The following PLEKHG4B variants were observed in gnomAD, a reference collection of about 807,000 sequenced individuals.
PLEKHG4B encodes pleckstrin homology and RhoGEF domain containing G4B.
Under a neutral mutation model 121.3 loss-of-function variants are expected in PLEKHG4B, and 111 were observed. The observed-to-expected ratio is 0.92, with a 90% CI of 0.78 to 1.07. The LOEUF is 1.07. Among genes scored for constraint, PLEKHG4B ranks in the 50% least tolerant of loss-of-function variants. The pLI, the probability that PLEKHG4B is intolerant of heterozygous loss-of-function variation, is 0.00. For synonymous variants in PLEKHG4B, 738 were observed against 725.0 expected, an observed-to-expected ratio of 1.02 and a Z score of -0.29; for missense variants, 1,831 against 1,757.8, an observed-to-expected ratio of 1.04 and a Z score of -0.74.
chr5:93,727 G>A (rs936565466), intron 1 of PLEKHG4B, among the ~76,000 whole-genome samples: 4 of 152,156 alleles, frequency 2.6e-5, no homozygotes, highest in African/African-American at 9.7e-5. Flanking sequence ...AATCACCTTT[G>A]TGGGATCTGT....
intron 1 of PLEKHG4B, among the ~76,000 whole-genome samples, chr5:94,755 C>T (rs929620803): frequency 2.6e-5 from 4 of 151,988 alleles, no homozygotes; most frequent in Admixed American, 1.3e-4. Context: ...CTCCAGACCC[C>T]GATCTTTTGT....
intron 13 of PLEKHG4B, 24 bp downstream of exon 13, chr5:163,572 T>C: frequency 6.6e-7 from 1 of 1,524,624 alleles, no homozygotes; most frequent in Non-Finnish European, 8.8e-7. Context: ...CCCCCTCCTC[T>C]CGTCCTAGCA....
chr5:117,943 A>G (rs563422462), intron 2 of PLEKHG4B, among the ~76,000 whole-genome samples: 1 of 152,218 alleles, frequency 6.6e-6, no homozygotes, highest in South Asian at 2.1e-4. Context: ...GCTGGGAATT[A>G]GAATAAAATA....
intron 3 of PLEKHG4B, among the ~76,000 whole-genome samples, chr5:141,440 TGGCTGCAGCCCTCTGACCGTCCTC>T (rs1274272801): frequency 6.6e-6 from 1 of 150,378 alleles, no homozygotes; most frequent in Non-Finnish European, 1.5e-5. Flanking sequence ...TCCCGGGCTG[TGGCTGCAGCCCTCTGACCGTCCTC>T]CGTGGCCTCC....
At chr5:180,434 C>G (rs1736896239) in intron 18 of PLEKHG4B, among the ~76,000 whole-genome samples, 1 of 152,220 alleles carries the variant, frequency 6.6e-6, no homozygotes, top group South Asian at 2.1e-4. Context: ...TTTTCAGAAG[C>G]TCTCAGCCTC....
intron 2 of PLEKHG4B, among the ~76,000 whole-genome samples, chr5:134,119 A>G (rs1485406666): frequency 3.7e-5 from 4 of 108,418 alleles, no homozygotes; most frequent in Admixed American, 9.7e-5. Context: ...ATATATATAT[A>G]TATGTGATGG....
intron 2 of PLEKHG4B, among the ~76,000 whole-genome samples, chr5:134,864 A>G (rs886463136): frequency 6.6e-6 from 1 of 152,092 alleles, no homozygotes; most frequent in Non-Finnish European, 1.5e-5. Context: ...TTGTGTTTCT[A>G]TACACTAACA....
intron 2 of PLEKHG4B, among the ~76,000 whole-genome samples, chr5:127,776 A>G (rs926267140): frequency 1.3e-5 from 2 of 152,188 alleles, no homozygotes; most frequent in African/African-American, 2.4e-5. Flanking sequence ...TCTGAGCCAA[A>G]CATGAGTGAC....
At chr5:123,542 T>G (rs1381211853) in intron 2 of PLEKHG4B, among the ~76,000 whole-genome samples, 1 of 152,216 alleles carries the variant, frequency 6.6e-6, no homozygotes, top group East Asian at 1.9e-4. Flanking sequence ...ACTGATTCAA[T>G]CTACTTAGCA....
chr5:181,988 T>C lies in PLEKHG4B; in HGVS notation c.4565-16T>C. ...GGAGCGGAAGCCAGCCTGACGTGCT[T>C]TCTGTCCCTTTCCAGAGTCACAAAT... On this transcript the variant is annotated splice_polypyrimidine_tract_variant and intron_variant, in intron 19 of 19. Coordinates refer to ENST00000637938, the MANE Select transcript of PLEKHG4B (RefSeq NM_052909.5). 2.5e-6 allele frequency: 4 copies of C among 1,610,284 alleles called. No individual in the cohort carries two copies. Among genetic ancestry groups the C allele is most frequent in the Non-Finnish European group, 3.4e-6 (4 of 1,176,720 alleles).
rs1736019440 is a variant in PLEKHG4B, at chr5:161,933, T to C, written c.2638T>C (p.Leu880=). ...GGCCAGGTGGACCCGCTCGTCCGAGTTGTGCGAGACGGTAAGAGACCCAGT... is the reference window on the plus strand; with the variant it reads ...GGCCAGGTGGACCCGCTCGTCCGAGCTGTGCGAGACGGTAAGAGACCCAGT... The part of the protein sequence containing the change: ...ELARWTRSSE[L]CETVSSWMGP... The change falls in exon 12 of 20, where the codon TTG becomes CTG. Residue 880 remains leucine, a synonymous_variant. Coordinates refer to ENST00000637938, the MANE Select transcript of PLEKHG4B (RefSeq NM_052909.5). The C allele has an allele frequency of 6.2e-7, 1 of 1,611,384 alleles. No homozygotes were observed. Among genetic ancestry groups the C allele is most frequent in the Non-Finnish European group, 8.5e-7 (1 of 1,179,408 alleles).
At chr5:155,061 C>A in intron 8 of PLEKHG4B, 70 bp downstream of exon 8, 1 of 1,354,752 alleles carries the variant, frequency 7.4e-7, no homozygotes, top group Non-Finnish European at 1.0e-6. Flanking sequence ...GTTGTTTTTA[C>A]TAGAATTTGA....
intron 11 of PLEKHG4B, among the ~76,000 whole-genome samples, chr5:160,020 A>G (rs962155431): frequency 2.0e-5 from 3 of 152,200 alleles, no homozygotes; most frequent in Non-Finnish European, 4.4e-5. Context: ...CTCACTCTGC[A>G]GTCTTCACCC....
At chr5:160,202 C>A (rs375704142) in intron 11 of PLEKHG4B, among the ~76,000 whole-genome samples, 1 of 152,250 alleles carries the variant, frequency 6.6e-6, no homozygotes, top group African/African-American at 2.4e-5. Context: ...TGTGGGCATG[C>A]GCTGCAAGCT....
Position 171,316 on chromosome 5 carries a change from A to G in PLEKHG4B, c.3922A>G (p.Lys1308Glu). 6.2e-7 allele frequency: 1 copy of G among 1,612,534 alleles called. No homozygotes were observed. The highest frequency in any genetic ancestry group is 8.5e-7 in the Non-Finnish European group (1 of 1,179,764). Residue 1308 changes from lysine to glutamate, a missense_variant, in exon 16 of 20, where the codon AAG becomes GAG. Transcript: ENST00000637938. ...CGCGCTGCTACTCCAGGACCTGCTCAAGGAGGCCAGCTGTGGCCTGGCCCA... is the reference window on the plus strand; with the variant it reads ...CGCGCTGCTACTCCAGGACCTGCTCGAGGAGGCCAGCTGTGGCCTGGCCCA... Reference protein sequence around the residue: ...KYALLLQDLLKEASCGLAQGQ... With the variant: ...KYALLLQDLLEEASCGLAQGQ...
At chr5:103,114 T>C (rs1434505962) in intron 1 of PLEKHG4B, among the ~76,000 whole-genome samples, 1 of 152,150 alleles carries the variant, frequency 6.6e-6, no homozygotes, top group Admixed American at 6.5e-5. Context: ...TGCAGTGTTG[T>C]CTGTCTTCAA....
chr5:156,176 C>G lies in PLEKHG4B; in HGVS notation c.2314C>G (p.Leu772Val), dbSNP rs761560820. The change falls in exon 10 of 20, where the codon CTG (leucine) becomes GTG (valine). Residue 772 changes from leucine (L) to valine (V), a missense_variant. Transcript: ENST00000637938. The surrounding 1 kb of genome is among the most constrained non-coding windows in gnomAD (Gnocchi z 4.4). ...GGAGGGGGGCACCGTCCTGGCGCGGCTGAGGAGAGAAGAGCTTGGCACAGA... is the reference window on the plus strand; with the variant it reads ...GGAGGGGGGCACCGTCCTGGCGCGGGTGAGGAGAGAAGAGCTTGGCACAGA... ...RLEGGTVLAR[L>V]RREELGTEDS... The G allele has an allele frequency of 3.8e-6, 6 of 1,575,842 alleles. No homozygotes were observed. In the Admixed American group the frequency reaches 8.9e-5, roughly 23 times the overall value.
rs752425552 is a variant in PLEKHG4B, at chr5:163,068, G to A, written c.2996G>A (p.Gly999Glu). ...CCCTCATTCCCCAGCACGGACAGTG[G>A]GGGTGGTGCCTGGGAACCTGCGCAA... ...KPPSFPSTDSGGGAWEPAQPL... is the reference protein window; with the variant it reads ...KPPSFPSTDSEGGAWEPAQPL... Residue 999 changes from glycine (G) to glutamate (E), a missense_variant, in exon 13 of 20, where the codon GGG (glycine) becomes GAG (glutamate). Gly to Glu is a moderately conservative substitution (Grantham distance 98). Coordinates refer to ENST00000637938, the MANE Select transcript of PLEKHG4B (RefSeq NM_052909.5). The A allele has an allele frequency of 1.9e-5, 30 of 1,561,482 alleles. No homozygotes were observed. The highest frequency in any genetic ancestry group is 7.0e-5 in the South Asian group (6 of 85,366).
rs1293340086 is a variant in PLEKHG4B, at chr5:163,221, C to A, written c.3149C>A (p.Thr1050Lys). Residue 1050 changes from threonine (T) to lysine (K), a missense_variant, in exon 13 of 20, where the codon ACG becomes AAG. Physicochemically the swap from Thr to Lys is moderately conservative, Grantham distance 78. Transcript: ENST00000637938. ...LRGLPGAGAT[T>K]AHLEDSSACS... Reference sequence around the variant, plus strand: ...GGCCTTCCAGGGGCAGGGGCCACCACGGCCCACCTGGAGGACAGCTCTGCC... The same window carrying A: ...GGCCTTCCAGGGGCAGGGGCCACCAAGGCCCACCTGGAGGACAGCTCTGCC... The A allele has an allele frequency of 3.1e-6, 5 of 1,600,956 alleles. No individual in the cohort carries two copies. The highest frequency in any genetic ancestry group is 3.4e-6 in the Non-Finnish European group (4 of 1,173,978).
Sources: gnomAD v4.1 joint callset for allele counts (sites outside exome capture counted in the v4.1 genomes callset) on GRCh38, gnomAD v4.1.1 for gene constraint, Gnocchi (gnomAD v3.1) non-coding constraint, MANE v1.5 for transcripts, NCBI Gene and HGNC (gene_info 2026-07-23, HGNC 2026-07-21) for gene names.